Variants in POLR1A observed in about 807,000 individuals in gnomAD.
POLR1A encodes the protein RNA polymerase I subunit A.
A neutral mutation model predicts 205.3 loss-of-function variants in POLR1A; 84 were observed. The ratio of observed to expected loss-of-function variants is 0.41; its 90% CI spans 0.34 to 0.49. The LOEUF (loss-of-function observed/expected upper bound fraction) is 0.49, where lower values mean the gene tolerates loss of function less well. POLR1A is among the 20% of genes least tolerant of loss of function. POLR1A has a pLI of 0.22. For synonymous variants in POLR1A, 799 were observed against 863.7 expected (o/e 0.93, Z 1.31); for missense variants, 1,645 against 2,204.5 (o/e 0.75, Z 5.08).
At chr2:86,098,572 T>A (rs915090838) in intron 3 of POLR1A, 39 bp downstream of exon 3, 1 of 1,604,860 alleles carries the variant, frequency 6.2e-7, no homozygotes, top group African/African-American at 1.3e-5. Flanking sequence ...CACACCACTT[T>A]GCCTTTTCTG....
At chr2:86,054,834 G>A (rs539755541) in intron 14 of POLR1A, among the ~76,000 whole-genome samples, 1 of 152,298 alleles carries the variant, frequency 6.6e-6, no homozygotes, top group East Asian at 1.9e-4. Context: ...AGCTTTATCT[G>A]GAGATAACCA....
intron 3 of POLR1A, among the ~76,000 whole-genome samples, chr2:86,095,037 C>T (rs531221338): frequency 7.9e-5 from 12 of 152,362 alleles, no homozygotes; most frequent in African/African-American, 2.6e-4. Context: ...CCTCCTTACC[C>T]TATTCGAGCT....
At chr2:86,094,155 T>C (rs938978676) in intron 3 of POLR1A, among the ~76,000 whole-genome samples, 1 of 152,216 alleles carries the variant, frequency 6.6e-6, no homozygotes, top group Non-Finnish European at 1.5e-5. Flanking sequence ...ATGGTAAAGT[T>C]ATTCTCTCTC....
intron 18 of POLR1A, among the ~76,000 whole-genome samples, chr2:86,048,575 C>T (rs11891096): frequency 0.11 from 16,186 of 152,276 alleles, 1,174 homozygotes; most frequent in African/African-American, 0.2. Flanking sequence ...CCTGCTTATT[C>T]ACCCCTGGTG....
intron 14 of POLR1A, among the ~76,000 whole-genome samples, chr2:86,057,801 T>C (rs1406490657): frequency 6.6e-6 from 1 of 152,160 alleles, no homozygotes; most frequent in Non-Finnish European, 1.5e-5. Flanking sequence ...GAAGGAGGAA[T>C]TGGGACTGAC....
At chr2:86,056,778 G>A (rs1026994300) in intron 14 of POLR1A, among the ~76,000 whole-genome samples, 1 of 152,144 alleles carries the variant, frequency 6.6e-6, no homozygotes, top group Non-Finnish European at 1.5e-5. Flanking sequence ...ACAAAGCGTG[G>A]GTGACTGCAC....
At chr2:86,049,939 A>T (rs1672773284) in intron 16 of POLR1A, among the ~76,000 whole-genome samples, 1 of 150,798 alleles carries the variant, frequency 6.6e-6, no homozygotes, top group Non-Finnish European at 1.5e-5. Flanking sequence ...GTTTTTTGAG[A>T]CTGAGTCTTG....
intron 27 of POLR1A, among the ~76,000 whole-genome samples, chr2:86,037,311 C>T (rs908011257): frequency 1.3e-5 from 2 of 152,226 alleles, no homozygotes; most frequent in African/African-American, 2.4e-5. Context: ...ACCCAGGGCT[C>T]GTGAACTGGG....
In POLR1A at chr2:86,022,346, C is replaced by T. The variant is rs1279115610; in HGVS notation, c.*5077G>A. 6.6e-6 allele frequency: 1 copy of T among 152,222 alleles called. No individual in the cohort carries two copies. The highest frequency in any genetic ancestry group is 1.5e-5 in the Non-Finnish European group (1 of 68,054). 9.4% of individuals were successfully genotyped at this position (152,222 alleles called of 1,614,324 possible). On this transcript the variant is annotated 3_prime_UTR_variant, in exon 34 of 34. Coordinates refer to ENST00000263857, the MANE Select transcript of POLR1A (RefSeq NM_015425.6). ...CTGTCATGGCACGATGACAGCTTTACTGCACGTGCACTCACTTGAGGGCAG... is the reference window on the plus strand; with the variant it reads ...CTGTCATGGCACGATGACAGCTTTATTGCACGTGCACTCACTTGAGGGCAG...
At chr2:86,104,901 T>C (rs947391121) in intron 1 of POLR1A, among the ~76,000 whole-genome samples, 2 of 152,232 alleles carry the variant, frequency 1.3e-5, no homozygotes, top group African/African-American at 2.4e-5. Context: ...AATTTGAGAC[T>C]ATAAATCATG....
At position 86,024,388 on chromosome 2, in the gene POLR1A, G is replaced by T. The variant is rs79781390; in HGVS notation, c.*3035C>A. 1,704 of 153,800 alleles carry T rather than the reference G, an allele frequency of 0.011. 34 individuals are homozygous for T. The highest frequency in any genetic ancestry group is 0.097 in the East Asian group (512 of 5,292). 9.5% of individuals were successfully genotyped at this position (153,800 alleles called of 1,614,324 possible). On this transcript the variant is annotated 3_prime_UTR_variant, in exon 34 of 34. Coordinates refer to ENST00000263857, the MANE Select transcript of POLR1A (RefSeq NM_015425.6). ...AAGGAATAGGGAGTTAGTGCTCAATGGATACAGACATTTGTACATATTATT... is the reference window on the plus strand; with the variant it reads ...AAGGAATAGGGAGTTAGTGCTCAATTGATACAGACATTTGTACATATTATT...
At chr2:86,100,825 G>A (rs1280817983) in intron 1 of POLR1A, among the ~76,000 whole-genome samples, 1 of 152,180 alleles carries the variant, frequency 6.6e-6, no homozygotes, top group Non-Finnish European at 1.5e-5. Flanking sequence ...ACAGGAGTAA[G>A]CCACCATGCC....
At position 86,052,881 on chromosome 2, in the gene POLR1A, C is replaced by G; in HGVS notation, c.2328G>C (p.Lys776Asn). The change falls in exon 16 of 34, where the codon AAG (lysine) becomes AAC (asparagine). Residue 776 changes from lysine (K) to asparagine (N), a missense_variant. Lys to Asn is a moderately conservative substitution (Grantham distance 94). Around this residue, in one of 16 missense-constraint regions of POLR1A, gnomAD observed 339 missense variants for 415.1 expected, o/e 0.82. Coordinates refer to ENST00000263857, the MANE Select transcript of POLR1A (RefSeq NM_015425.6). ...YEIYGGETSG[K>N]VLTCLARLFT... ...AGAGGCGGGCCAGGCAGGTTAGAACCTTGCCGCTGGTCTCGCCTCCATAGA... is the reference window on the plus strand; with the variant it reads ...AGAGGCGGGCCAGGCAGGTTAGAACGTTGCCGCTGGTCTCGCCTCCATAGA... 6.2e-7 allele frequency: 1 copy of G among 1,607,666 alleles called. No individual in the cohort carries two copies. Among genetic ancestry groups the G allele is most frequent in the Middle Eastern group, 1.7e-4 (1 of 6,042 alleles).
At chr2:86,051,812 C>CT (rs1430453652) in intron 16 of POLR1A, among the ~76,000 whole-genome samples, 5 of 152,366 alleles carry the variant, frequency 3.3e-5, no homozygotes, top group African/African-American at 1.2e-4. Context: ...GGTGAAGCCT[C>CT]TTTATCAAAG....
intron 25 of POLR1A, 110 bp downstream of exon 25, chr2:86,040,282 C>T: frequency 1.1e-6 from 1 of 873,908 alleles, no homozygotes; most frequent in South Asian, 2.6e-5. Context: ...CTCTCTCACA[C>T]AGACACACTC....
chr2:86,048,397 G>A (rs1672743271), intron 18 of POLR1A, among the ~76,000 whole-genome samples: 1 of 152,214 alleles, frequency 6.6e-6, no homozygotes, highest in African/African-American at 2.4e-5. Context: ...AGCCCTGTGA[G>A]GTGGTGCCCC....
In POLR1A at chr2:86,052,679, G is replaced by T. The variant is rs1672824134; in HGVS notation, c.2392+138C>A. 6.2e-6 allele frequency: 4 copies of T among 642,310 alleles called. No homozygotes were observed. The South Asian group carries it at 1.1e-4, about 18-fold the overall frequency. 39.8% of individuals were successfully genotyped at this position (642,310 alleles called of 1,614,324 possible). A position where few individuals can be genotyped will look rare whatever the true frequency, so the allele number is the denominator to read the frequency against. ...TAAAGCGTGGTGCACTGGGGACCTG[G>T]AAAGACTTCTCCACTGGGAACACAC... On this transcript the variant is annotated intron_variant, in intron 16 of 33. Transcript: ENST00000263857.
At chr2:86,044,791 TCA>T (rs1046964272) in intron 21 of POLR1A, among the ~76,000 whole-genome samples, 10 of 152,196 alleles carry the variant, frequency 6.6e-5, no homozygotes, top group African/African-American at 2.4e-4. Flanking sequence ...GCCTTTCTCC[TCA>T]GTTTTATCTC....
intron 12 of POLR1A, among the ~76,000 whole-genome samples, chr2:86,071,284 T>C (rs968504698): frequency 2.6e-5 from 4 of 151,522 alleles, no homozygotes; most frequent in Non-Finnish European, 5.9e-5. Flanking sequence ...GGTGGTTGGA[T>C]CCTCACTAGG....
Sources: gnomAD v4.1 joint callset for allele counts (sites outside exome capture counted in the v4.1 genomes callset) on GRCh38, gnomAD v4.1.1 for gene constraint, gnomAD v4.1.1 regional missense constraint, MANE v1.5 for transcripts, NCBI Gene and HGNC (gene_info 2026-07-23, HGNC 2026-07-21) for gene names.